SOD2: variants seen among roughly 807,000 people sequenced by gnomAD.
SOD2 encodes the protein superoxide dismutase [Mn], mitochondrial.
In SOD2, 11 loss-of-function variants were observed where a neutral mutation model predicts 27.0. That is an observed-to-expected ratio of 0.41 (90% confidence interval 0.26 to 0.67). The LOEUF is 0.67. Among genes scored for constraint, SOD2 ranks in the 30% least tolerant of loss-of-function variants. The pLI is 0.34. For missense variants in SOD2, 250 were observed against 274.5 expected, an observed-to-expected ratio of 0.91 and a Z score of 0.63; for synonymous variants, 105 against 103.0, an observed-to-expected ratio of 1.02 and a Z score of -0.12.
chr6:159,704,461 G>A (rs1192830316), intron 1 of SOD2, among the ~76,000 whole-genome samples: 1 of 152,216 alleles, frequency 6.6e-6, no homozygotes, highest in Admixed American at 6.5e-5. Context: ...TTAGCAAACA[G>A]CACACCAGGA....
upstream of SOD2, among the ~76,000 whole-genome samples, chr6:159,693,897 T>A (rs1777361819): frequency 6.6e-6 from 1 of 152,160 alleles, no homozygotes; most frequent in African/African-American, 2.4e-5. Flanking sequence ...ACAGACTTTG[T>A]CCCCACCGGC....
upstream of SOD2, among the ~76,000 whole-genome samples, chr6:159,731,803 G>A (rs1052292621): frequency 1.3e-5 from 2 of 152,146 alleles, no homozygotes; most frequent in South Asian, 4.1e-4. Flanking sequence ...TGCTACTTTT[G>A]TATTTGCAAA....
At chr6:159,711,240 C>G (rs796536117) in intron 1 of SOD2, among the ~76,000 whole-genome samples, 15 of 35,976 alleles carry the variant, frequency 4.2e-4, no homozygotes, top group South Asian at 4.0e-3. Flanking sequence ...ACAACCACCA[C>G]TCACATTGCT....
chr6:159,728,718 AT>A (rs1448373597), upstream of SOD2, among the ~76,000 whole-genome samples: 1 of 152,250 alleles, frequency 6.6e-6, no homozygotes, highest in Non-Finnish European at 1.5e-5. Context: ...GTAGCATCTG[AT>A]TAGCCAAGTC....
chr6:159,681,138 T>C lies in SOD2; in HGVS notation c.*1355A>G, dbSNP rs1779939807. The C allele has an allele frequency of 2.0e-5, 3 of 151,136 alleles. No individual in the cohort carries two copies. In the South Asian group the frequency reaches 6.3e-4, roughly 32 times the overall value. 9.4% of individuals were successfully genotyped at this position (151,136 alleles called of 1,614,324 possible). ...TAAGCCAAATATACAAAAAGATCCC[T>C]GTGAGACGGAGCAGGGACCCCTCTT... On this transcript the variant is annotated 3_prime_UTR_variant, in exon 5 of 5. Transcript: ENST00000538183.
In SOD2 at chr6:159,672,485, C is replaced by A. The variant is rs1157370188; in HGVS notation, c.*10008G>T. ...TTTCAACCCAGAATTTCATATCCAG[C>A]CAAACTAAGCTTCATAAGTGAAGGA... On this transcript the variant is annotated 3_prime_UTR_variant, in exon 5 of 5. Transcript: ENST00000538183. 1.3e-5 allele frequency: 2 copies of A among 152,112 alleles called. No individual in the cohort carries two copies. The highest frequency in any genetic ancestry group is 6.5e-5 in the Admixed American group (1 of 15,278). 9.4% of individuals were successfully genotyped at this position (152,112 alleles called of 1,614,324 possible).
intron 1 of SOD2, among the ~76,000 whole-genome samples, chr6:159,701,995 C>T (rs1296354862): frequency 6.6e-6 from 1 of 152,174 alleles, no homozygotes; most frequent in Non-Finnish European, 1.5e-5. Context: ...ACAAAATCTC[C>T]CTGCCTTGTA....
In SOD2 at chr6:159,682,064, C is replaced by T. The variant is rs1779987419; in HGVS notation, c.*429G>A. ...GCAGAGGATTACTCGACAAAAAGTG[C>T]AATTTTCTATAGAAAGCCGAGTGTT... On this transcript the variant is annotated 3_prime_UTR_variant, in exon 5 of 5. Coordinates refer to ENST00000538183, the MANE Select transcript of SOD2 (RefSeq NM_000636.4). 1 of 153,660 alleles carries T rather than the reference C, an allele frequency of 6.5e-6. No homozygotes were observed. The highest frequency in any genetic ancestry group is 2.4e-5 in the African/African-American group (1 of 41,480). 9.5% of individuals were successfully genotyped at this position (153,660 alleles called of 1,614,324 possible).
chr6:159,761,865 T>TC, exon 1 of SOD2: 1 of 256,200 alleles, frequency 3.9e-6, no homozygotes, highest in Non-Finnish European at 7.0e-6. Flanking sequence ...CGGCCTCACT[T>TC]CCGCCCCGCG....
intron 1 of SOD2, among the ~76,000 whole-genome samples, chr6:159,704,799 T>G (rs889453395): frequency 6.6e-6 from 1 of 152,196 alleles, no homozygotes; most frequent in African/African-American, 2.4e-5. Flanking sequence ...GCACAGAGTT[T>G]GAGATCTGAC....
intron 1 of SOD2, among the ~76,000 whole-genome samples, chr6:159,715,579 G>T (rs1231321524): frequency 6.6e-6 from 1 of 152,164 alleles, no homozygotes; most frequent in Non-Finnish European, 1.5e-5. Flanking sequence ...GCAAGCAACA[G>T]AGGCAAACAG....
chr6:159,695,579 C>T (rs1429968136), upstream of SOD2, among the ~76,000 whole-genome samples: 3 of 152,196 alleles, frequency 2.0e-5, no homozygotes, highest in Non-Finnish European at 4.4e-5. Flanking sequence ...CTGATTGCAG[C>T]GACTTGCTGG....
At chr6:159,699,018 A>C (rs2114805116) in intron 1 of SOD2, among the ~76,000 whole-genome samples, 1 of 152,034 alleles carries the variant, frequency 6.6e-6, no homozygotes, top group South Asian at 2.1e-4. Context: ...TCAAGGGTCA[A>C]GTGTATTGCT....
At position 159,757,320 on chromosome 6, in the gene SOD2, G is replaced by T. The variant is rs1780036123; in HGVS notation, c.-336+3717C>A. 2.6e-5 allele frequency among the ~76,000 whole-genome samples: 4 copies of T among 152,132 alleles called. 1 individual carries two copies. In the South Asian group the frequency reaches 8.3e-4, roughly 31 times the overall value. ...TACAACTTATTTGAAAGTAATTGCT[G>T]CTTTTGCTTGTTTAGCTGATACAGG... On this transcript the variant is annotated intron_variant, in intron 1 of 7. Coordinates refer to the SOD2 transcript ENST00000546087.
upstream of SOD2, among the ~76,000 whole-genome samples, chr6:159,729,724 A>G (rs1461063205): frequency 6.6e-6 from 1 of 152,240 alleles, no homozygotes; most frequent in Admixed American, 6.5e-5. Context: ...TAAGGAAAAG[A>G]TGGCCTTTCA....
At chr6:159,713,714 A>G (rs1209974871) in intron 1 of SOD2, 16 of 901,878 alleles carry the variant, frequency 1.8e-5, no homozygotes, top group Non-Finnish European at 2.6e-5. Flanking sequence ...TCGATACCCA[A>G]TCCATTTCAA....
At chr6:159,700,581 G>C (rs1033424358) in intron 1 of SOD2, among the ~76,000 whole-genome samples, 2 of 151,274 alleles carry the variant, frequency 1.3e-5, no homozygotes, top group Admixed American at 1.3e-4. Context: ...ATGAACCCAG[G>C]AGGCAGAGCT....
rs1274025966 is a variant in SOD2 at position 159,717,984 on chromosome 6, C to A, written c.-116+9145G>T. On this transcript the variant is annotated intron_variant, in intron 1 of 2. Transcript: ENST00000401980. Reference sequence around the variant, plus strand: ...ACACAATTTTTTTTTCTTTTTCTTTCTCTCTCCTTTTCTCTTTCTTTCTGG... The same window carrying A: ...ACACAATTTTTTTTTCTTTTTCTTTATCTCTCCTTTTCTCTTTCTTTCTGG... Among the ~76,000 whole-genome samples the A allele has an allele frequency of 2.7e-5, 4 of 149,380 alleles. No homozygotes were observed. The East Asian group carries it at 7.9e-4, about 29-fold the overall frequency.
chr6:159,742,631 T>A (rs1779327695), intron 1 of SOD2, among the ~76,000 whole-genome samples: 1 of 152,230 alleles, frequency 6.6e-6, no homozygotes, highest in South Asian at 2.1e-4. Context: ...AGTCTCACTT[T>A]TTACTGTTTG....
Sources: allele counts gnomAD v4.1 joint callset (sites outside exome capture counted in the v4.1 genomes callset), GRCh38; gene constraint gnomAD v4.1.1; transcripts MANE v1.5; gene names NCBI Gene and HGNC (gene_info 2026-07-23, HGNC 2026-07-21).